CLN6: variants seen among roughly 807,000 people sequenced by gnomAD.
CLN6 encodes CLN6 transmembrane ER protein.
CLN6 carries 22 observed loss-of-function variants against 33.3 expected under a neutral mutation model. That is an observed-to-expected ratio of 0.66 (90% CI 0.47 to 0.94). The LOEUF is 0.94. CLN6 is among the 40% of genes least tolerant of loss of function. CLN6 has a pLI of 0.00. For missense variants in CLN6, 387 were observed against 417.1 expected (o/e 0.93, Z 0.63); for synonymous variants, 201 against 174.6 (o/e 1.15, Z -1.19).
In CLN6 at chr15:68,214,282, G is replaced by A; in HGVS notation, c.297+8C>T. The A allele has an allele frequency of 6.2e-7, 1 of 1,604,128 alleles. No individual in the cohort carries two copies. The highest frequency in any genetic ancestry group is 8.5e-7 in the Non-Finnish European group (1 of 1,170,980). On this transcript the variant is annotated splice_region_variant and intron_variant, in intron 3 of 6. Coordinates refer to ENST00000249806, the MANE Select transcript of CLN6 (RefSeq NM_017882.3). ...TGACAGGAGAGAGTGGGGGCCCTGG[G>A]ACAGTACCTTGAGCAAGAGAAAGGG... is the stretch of plus-strand genomic sequence containing the variant.
intron 1 of CLN6, among the ~76,000 whole-genome samples, chr15:68,253,783 C>G (rs533822815): frequency 6.7e-6 from 1 of 150,114 alleles, no homozygotes; most frequent in Non-Finnish European, 1.5e-5. Context: ...TGGCGACACA[C>G]AAACAGCATA....
chr15:68,228,877 G>A lies in CLN6; in HGVS notation c.83+625C>T, dbSNP rs552134362. Among the ~76,000 whole-genome samples, 4 of 152,270 alleles carry A rather than the reference G, an allele frequency of 2.6e-5. No homozygotes were observed. In the East Asian group the frequency reaches 7.7e-4, roughly 29 times the overall value. ...GTGAATGTTTCTGGTCAGTAAAACG[G>A]GACGAAGGTAGAATGGAGCTCTGCT... is the stretch of plus-strand genomic sequence containing the variant. On this transcript the variant is annotated intron_variant, in intron 1 of 6. Coordinates refer to ENST00000249806, the MANE Select transcript of CLN6 (RefSeq NM_017882.3). This position sits in a 1 kb window ranked among gnomAD's most constrained non-coding sequence, Gnocchi z 4.4.
chr15:68,251,967 C>CTTT (rs35907860), intron 1 of CLN6, among the ~76,000 whole-genome samples: 58 of 71,864 alleles, frequency 8.1e-4, no homozygotes, highest in African/African-American at 1.2e-3. Flanking sequence ...ATGTGTGAAT[C>CTTT]TTTTTTTTTT....
chr15:68,255,088 C>T (rs796402779), intron 1 of CLN6: 9 of 561,216 alleles, frequency 1.6e-5, no homozygotes, highest in Non-Finnish European at 2.5e-5. Context: ...AGAATGTCTC[C>T]GAAGCTAGGT....
At position 68,209,097 on chromosome 15, in the gene CLN6, T is replaced by C. The variant is rs909074199; in HGVS notation, c.665+540A>G. On this transcript the variant is annotated intron_variant, in intron 6 of 6. Transcript: ENST00000249806. This position sits in a 1 kb window ranked among gnomAD's most constrained non-coding sequence, Gnocchi z 4.9. ...GAGACTGGCTGAGGCCTAAGTCCTCTGCAATGGGAAGAAGAGAGAGCCAGA... is the reference window on the plus strand; with the variant it reads ...GAGACTGGCTGAGGCCTAAGTCCTCCGCAATGGGAAGAAGAGAGAGCCAGA... Among the ~76,000 whole-genome samples the C allele has an allele frequency of 3.9e-5, 6 of 152,156 alleles. No homozygotes were observed. The highest frequency in any genetic ancestry group is 1.4e-4 in the African/African-American group (6 of 41,436).
At chr15:68,223,430 C>T (rs1485331154) in intron 1 of CLN6, among the ~76,000 whole-genome samples, 1 of 152,170 alleles carries the variant, frequency 6.6e-6, no homozygotes, top group Non-Finnish European at 1.5e-5. Flanking sequence ...CACCCAGCTC[C>T]TTCCTCAGTA....
intron 1 of CLN6, among the ~76,000 whole-genome samples, chr15:68,251,745 A>G (rs1892381120): frequency 6.6e-6 from 1 of 152,156 alleles, no homozygotes; most frequent in Non-Finnish European, 1.5e-5. Flanking sequence ...AATAAGGTGA[A>G]GGGTAAGACA....
At chr15:68,222,741 AAAG>A (rs943107134) in intron 1 of CLN6, among the ~76,000 whole-genome samples, 23 of 152,370 alleles carry the variant, frequency 1.5e-4, no homozygotes, top group African/African-American at 4.8e-4. Context: ...GTCTGTGTAG[AAAG>A]AAGTAGACAT....
chr15:68,224,438 A>G (rs1475595790), intron 1 of CLN6, among the ~76,000 whole-genome samples: 4 of 151,788 alleles, frequency 2.6e-5, no homozygotes, highest in Non-Finnish European at 5.9e-5. Context: ...CCTGACCAAC[A>G]TGACGAAACT....
intron 3 of CLN6, chr15:68,212,240 C>T (rs1446164768): frequency 4.2e-6 from 1 of 240,922 alleles, no homozygotes. Context: ...GCTGGCCCAG[C>T]CTGCTGAAGG....
At chr15:68,215,288 T>G (rs1326583982) in intron 2 of CLN6, 1 of 150,908 alleles carries the variant, frequency 6.6e-6, no homozygotes, top group Non-Finnish European at 1.5e-5. Flanking sequence ...TCTCTCTTAC[T>G]CAGTGTGCAT....
chr15:68,213,998 C>T (rs2093213337), intron 3 of CLN6: 1 of 376,394 alleles, frequency 2.7e-6, no homozygotes, highest in East Asian at 6.0e-5. Context: ...CAAGCACAGC[C>T]TTGTCTTTAG....
At chr15:68,217,238 GTT>G (rs2093223023) in intron 2 of CLN6, among the ~76,000 whole-genome samples, 1 of 152,070 alleles carries the variant, frequency 6.6e-6, no homozygotes, top group Non-Finnish European at 1.5e-5. Flanking sequence ...CTTTTTGTTT[GTT>G]TTGTTTTTTG....
upstream of CLN6, chr15:68,229,866 T>G: frequency 4.0e-6 from 1 of 247,242 alleles, no homozygotes; most frequent in Non-Finnish European, 7.4e-6. Flanking sequence ...CGGGGGCTGC[T>G]GGCCTGTCCG....
At position 68,241,543 on chromosome 15, in the gene CLN6, TC is replaced by T. The variant is rs1276829470; in HGVS notation, c.179+15146del. ...GGGTTTCCTGGCAGGAGACCTTGCC[TC>T]TGCCTCAACCCATGGGAAGCATCAT... On this transcript the variant is annotated intron_variant, in intron 1 of 6. Coordinates refer to the CLN6 transcript ENST00000538696. The surrounding 1 kb of genome is among the most constrained non-coding windows in gnomAD (Gnocchi z 4.2). Among the ~76,000 whole-genome samples, 4 of 152,198 alleles carry T rather than the reference TC, an allele frequency of 2.6e-5. No homozygotes were observed. Among genetic ancestry groups the T allele is most frequent in the African/African-American group, 9.7e-5 (4 of 41,436 alleles).
intron 1 of CLN6, among the ~76,000 whole-genome samples, chr15:68,250,539 C>T (rs1215824798): frequency 3.3e-5 from 5 of 150,614 alleles, no homozygotes; most frequent in African/African-American, 4.9e-5. Flanking sequence ...GCAAGAGAAT[C>T]GCTTGAATCC....
At position 68,211,013 on chromosome 15, in the gene CLN6, CG is replaced by C. The variant is rs2093203301; in HGVS notation, c.542+249del. Among the ~76,000 whole-genome samples the C allele has an allele frequency of 6.6e-6, 1 of 152,156 alleles. No homozygotes were observed. The highest frequency in any genetic ancestry group is 1.5e-5 in the Non-Finnish European group (1 of 68,004). ...GCCACAGCGGGCACTGAGGGCTGGG[CG>C]GGGGTGGCGATGCTGGGGGGATGCT... On this transcript the variant is annotated intron_variant, in intron 5 of 6. Coordinates refer to ENST00000249806, the MANE Select transcript of CLN6 (RefSeq NM_017882.3). This position sits in a 1 kb window ranked among gnomAD's most constrained non-coding sequence, Gnocchi z 5.9.
Position 68,221,643 on chromosome 15 carries a change from G to A in CLN6, c.84-2993C>T, listed in dbSNP as rs988251021. On this transcript the variant is annotated intron_variant, in intron 1 of 6. Coordinates refer to ENST00000249806, the MANE Select transcript of CLN6 (RefSeq NM_017882.3). ...AGTGCTAAGATTACAGGCTCTGCCC[G>A]GCCGCCACCCCATCTAGGAAGTGAG... Among the ~76,000 whole-genome samples the A allele has an allele frequency of 2.6e-5, 4 of 152,094 alleles. No homozygotes were observed. The South Asian group carries it at 6.2e-4, about 24-fold the overall frequency.
intron 1 of CLN6, among the ~76,000 whole-genome samples, chr15:68,239,168 G>T (rs904865278): frequency 6.6e-6 from 1 of 151,348 alleles, no homozygotes; most frequent in African/African-American, 2.4e-5. Flanking sequence ...ACCCAATGCA[G>T]AAGAAAAAGG....
Sources: allele counts gnomAD v4.1 joint callset (sites outside exome capture counted in the v4.1 genomes callset), GRCh38; gene constraint gnomAD v4.1.1; non-coding constraint Gnocchi (gnomAD v3.1); transcripts MANE v1.5; gene names NCBI Gene and HGNC (gene_info 2026-07-23, HGNC 2026-07-21).